MAPK6: variants seen among roughly 807,000 people sequenced by gnomAD.
MAPK6 encodes ERK-3.
In MAPK6, 19 loss-of-function variants were observed where a neutral mutation model predicts 59.3. The observed-to-expected ratio is 0.32, with a 90% confidence interval of 0.22 to 0.47. The LOEUF is 0.47. Ranked by LOEUF, MAPK6 falls within the 20% of genes least tolerant of loss-of-function variation. MAPK6 has a pLI of 1.00. For missense variants in MAPK6, 724 were observed against 847.9 expected, an observed-to-expected ratio of 0.85 and a Z score of 1.81; for synonymous variants, 316 against 290.3, an observed-to-expected ratio of 1.09 and a Z score of -0.90.
chr15:51,980,152 G>A (rs1489189636), intron 1 of MAPK6, among the ~76,000 whole-genome samples: 6 of 151,222 alleles, frequency 4.0e-5, no homozygotes, highest in African/African-American at 1.5e-4. Context: ...AAAATTAGCC[G>A]GGCGTGGTGG....
chr15:51,986,046 G>T (rs150687725), intron 2 of MAPK6, among the ~76,000 whole-genome samples: 2,707 of 152,254 alleles, frequency 0.018, 80 homozygotes, highest in African/African-American at 0.062. Context: ...CCCAAGACTG[G>T]GTAATTTATG....
chr15:52,033,728 A>T (rs1321410272), intron 1 of MAPK6: 9 of 151,928 alleles, frequency 5.9e-5, no homozygotes, highest in African/African-American at 2.2e-4. Context: ...TATACATAAA[A>T]CTTATTATTT....
intron 3 of MAPK6, among the ~76,000 whole-genome samples, chr15:52,006,501 G>A (rs2057259092): frequency 1.3e-5 from 2 of 152,228 alleles, no homozygotes; most frequent in Admixed American, 1.3e-4. Flanking sequence ...CAGACACTGT[G>A]CTCAACACTA....
intron 1 of MAPK6, among the ~76,000 whole-genome samples, chr15:52,028,188 G>A (rs954246610): frequency 6.6e-6 from 1 of 152,082 alleles, no homozygotes; most frequent in Admixed American, 6.6e-5. Flanking sequence ...TCCTGACCTT[G>A]TGATCCGCCC....
At chr15:52,037,543 C>G (rs927729703) in intron 1 of MAPK6, among the ~76,000 whole-genome samples, 6 of 152,128 alleles carry the variant, frequency 3.9e-5, no homozygotes, top group African/African-American at 1.4e-4. Context: ...GTGGCACAGT[C>G]CCTCCCCATC....
At chr15:52,040,780 T>G (rs779331058) in intron 1 of MAPK6, among the ~76,000 whole-genome samples, 2 of 152,208 alleles carry the variant, frequency 1.3e-5, no homozygotes, top group African/African-American at 2.4e-5. Context: ...TAATGCAGTT[T>G]CAGGGAACTG....
intron 2 of MAPK6, among the ~76,000 whole-genome samples, chr15:51,988,478 A>C (rs1457546936): frequency 6.6e-6 from 1 of 152,142 alleles, no homozygotes; most frequent in East Asian, 1.9e-4. Context: ...TCAAGCTTGT[A>C]ATCCCAGCAC....
intron 1 of MAPK6, chr15:52,027,995 C>T (rs1447827457): frequency 7.2e-6 from 1 of 138,726 alleles, no homozygotes; most frequent in Non-Finnish European, 1.5e-5. Context: ...GCTCTGTTGC[C>T]CAGGCGGAGT....
intron 1 of MAPK6, among the ~76,000 whole-genome samples, chr15:51,980,950 G>C (rs1200410416): frequency 1.3e-5 from 2 of 151,502 alleles, no homozygotes; most frequent in Admixed American, 1.3e-4. Context: ...AGGGTATCCA[G>C]AAAAAGACAG....
upstream of MAPK6, chr15:52,017,547 G>C (rs912659093): frequency 6.6e-6 from 1 of 152,656 alleles, no homozygotes; most frequent in Non-Finnish European, 1.5e-5. Flanking sequence ...ATATGTGCAG[G>C]TCACTGGGGA....
chr15:51,980,816 T>A (rs1220012413), intron 1 of MAPK6, among the ~76,000 whole-genome samples: 1 of 151,366 alleles, frequency 6.6e-6, no homozygotes, highest in African/African-American at 2.4e-5. Flanking sequence ...AGCCTTGAAC[T>A]CCTGACCTCA....
intron 5 of MAPK6, 72 bp from the exon 6 acceptor site, chr15:52,063,830 T>TAGAAGG (rs1233377229): frequency 1.5e-6 from 2 of 1,355,540 alleles, no homozygotes; most frequent in Non-Finnish European, 2.0e-6. Context: ...TGCTGTCACA[T>TAGAAGG]AGAAGGTACT....
intron 2 of MAPK6, among the ~76,000 whole-genome samples, chr15:51,983,350 G>A (rs983892007): frequency 6.6e-6 from 1 of 151,950 alleles, no homozygotes; most frequent in South Asian, 2.1e-4. Context: ...GCTGGAAGTG[G>A]TGGCCTGTAA....
rs1303119327 is a variant in MAPK6, at chr15:52,063,954, G to T, written c.1120G>T (p.Asp374Tyr). Residue 374 changes from aspartate (D) to tyrosine (Y), a missense_variant, in exon 6 of 6, where the codon GAT becomes TAT. Asp to Tyr is a radical substitution (Grantham distance 160). This residue lies in a region of MAPK6 where 502 missense variants were observed against 507.6 expected (regional missense o/e 0.99). Transcript: ENST00000261845. The stretch of plus-strand genomic sequence containing the variant: ...TGATTGGCCTGTACATAACAACTTT[G>T]ATATTGATGAAGTTCAGCTTGATCC... ...EHDWPVHNNF[D>Y]IDEVQLDPRA... 1 of 1,602,758 alleles carries T rather than the reference G, an allele frequency of 6.2e-7. No individual in the cohort carries two copies. The highest frequency in any genetic ancestry group is 8.5e-7 in the Non-Finnish European group (1 of 1,174,830).
Position 52,065,099 on chromosome 15 carries a change from G to A in MAPK6, c.*99G>A. On this transcript the variant is annotated 3_prime_UTR_variant, in exon 6 of 6. Coordinates refer to ENST00000261845, the MANE Select transcript of MAPK6 (RefSeq NM_002748.4). ...TCATTTTTTACTTGAATCAGATGGT[G>A]TCATTTAGTAAGGATTTTATGAGTT... 1 of 1,134,736 alleles carries A rather than the reference G, an allele frequency of 8.8e-7. No homozygotes were observed. The highest frequency in any genetic ancestry group is 1.2e-6 in the Non-Finnish European group (1 of 822,286). 70.3% of individuals were successfully genotyped at this position (1,134,736 alleles called of 1,614,324 possible). A position where few individuals can be genotyped will look rare whatever the true frequency, so the allele number is the denominator to read the frequency against.
intron 2 of MAPK6, among the ~76,000 whole-genome samples, chr15:52,049,001 A>G (rs2031689889): frequency 1.3e-5 from 2 of 152,170 alleles, no homozygotes; most frequent in Admixed American, 6.5e-5. Context: ...TCTACATCCA[A>G]CTAGCTATAT....
chr15:51,997,890 C>A (rs911916022), intron 2 of MAPK6, among the ~76,000 whole-genome samples: 2 of 151,870 alleles, frequency 1.3e-5, no homozygotes, highest in South Asian at 4.2e-4. Flanking sequence ...CCACGCCCGG[C>A]CTTTAAAGTT....
intron 2 of MAPK6, among the ~76,000 whole-genome samples, chr15:51,995,073 T>G (rs1246250163): frequency 6.6e-6 from 1 of 152,236 alleles, no homozygotes; most frequent in African/African-American, 2.4e-5. Context: ...GCAAGAAGTC[T>G]CTGAGTCAGA....
chr15:51,989,079 ATTTT>A (rs201759381), intron 2 of MAPK6, among the ~76,000 whole-genome samples: 2 of 132,954 alleles, frequency 1.5e-5, no homozygotes, highest in Non-Finnish European at 3.2e-5. Context: ...AAAATCCATA[ATTTT>A]TTTTTTTTTT....
Sources: allele counts gnomAD v4.1 joint callset (sites outside exome capture counted in the v4.1 genomes callset), GRCh38; gene constraint gnomAD v4.1.1; regional missense constraint gnomAD v4.1.1; transcripts MANE v1.5; gene names NCBI Gene and HGNC (gene_info 2026-07-23, HGNC 2026-07-21).